Variants in VSIG10 observed in about 807,000 individuals in gnomAD.
VSIG10 encodes the protein V-set and immunoglobulin domain-containing protein 10.
In VSIG10, 48 loss-of-function variants were observed where a neutral mutation model predicts 58.7. The observed-to-expected ratio is 0.82, with a 90% confidence interval of 0.65 to 1.04. The LOEUF is 1.04. Among genes scored for constraint, VSIG10 ranks in the 50% least tolerant of loss-of-function variants. VSIG10 has a pLI of 0.00. For missense variants in VSIG10, 628 were observed against 670.0 expected, an observed-to-expected ratio of 0.94 and a Z score of 0.69; for synonymous variants, 260 against 267.1, an observed-to-expected ratio of 0.97 and a Z score of 0.26.
rs1443033597 is a variant in VSIG10 at position 118,082,286 on chromosome 12, C to A, written c.505G>T (p.Ala169Ser). 1 of 1,613,924 alleles carries A rather than the reference C, an allele frequency of 6.2e-7. No homozygotes were observed. Among genetic ancestry groups the A allele is most frequent in the Admixed American group, 1.7e-5 (1 of 59,994 alleles). ...AAGGACTCGCTGCTGGAATTCAGGG[C>A]CTGGAACCACCATTCAACCACGGGT... is the stretch of plus-strand genomic sequence containing the variant. ...PPPVVEWWFQ[A>S]LNSSSESFGH... Residue 169 changes from alanine to serine, a missense_variant, in exon 3 of 9, where the codon GCC becomes TCC. By Grantham distance (99) the Ala-to-Ser change is moderately conservative. Transcript: ENST00000359236.
At chr12:118,079,306 A>G (rs748020456) in intron 4 of VSIG10, 40 bp downstream of exon 4, 2 of 1,599,892 alleles carry the variant, frequency 1.3e-6, no homozygotes, top group African/African-American at 1.3e-5. Context: ...AAAGGAAGGC[A>G]GGGAAACTCC....
At chr12:118,081,091 A>G (rs1455402135) in intron 3 of VSIG10, among the ~76,000 whole-genome samples, 1 of 151,772 alleles carries the variant, frequency 6.6e-6, no homozygotes, top group Non-Finnish European at 1.5e-5. Context: ...AAATAGAAAA[A>G]TTAGTCGGAC....
At chr12:118,093,360 G>A (rs552270689) in intron 2 of VSIG10, among the ~76,000 whole-genome samples, 135 of 151,198 alleles carry the variant, frequency 8.9e-4, no homozygotes, top group African/African-American at 3.1e-3. Flanking sequence ...TTACAACCTC[G>A]CACTCTAAAT....
chr12:118,082,933 C>A (rs142190143), intron 2 of VSIG10, among the ~76,000 whole-genome samples: 1 of 151,070 alleles, frequency 6.6e-6, no homozygotes, highest in Admixed American at 6.6e-5. Context: ...GCCAACATGA[C>A]GAAACCCTGT....
chr12:118,097,335 C>T lies in VSIG10; in HGVS notation c.80-1521G>A, dbSNP rs117827173. Among the ~76,000 whole-genome samples the T allele has an allele frequency of 1.1e-3, 169 of 152,200 alleles. 4 individuals are homozygous for T. The East Asian group carries it at 0.029, about 26-fold the overall frequency. On this transcript the variant is annotated intron_variant, in intron 1 of 8. Coordinates refer to ENST00000359236, the MANE Select transcript of VSIG10 (RefSeq NM_019086.6). ...ATGCAAATCAAAACTGCAATGAGGC[C>T]GGGAGCCGTGGCTCATGCCTGTAAT...
chr12:118,075,135 T>A lies in VSIG10; in HGVS notation c.926-1143A>T, dbSNP rs145939414. 6.9e-3 allele frequency among the ~76,000 whole-genome samples: 944 copies of A among 137,550 alleles called. 13 individuals are homozygous for A. Among genetic ancestry groups the A allele is most frequent in the African/African-American group, 0.025 (898 of 35,408 alleles). The allele number at this position is 137,550 out of a possible 152,430, so 90.2% of individuals were successfully genotyped here. ...GTATATGTATATATATGTGTATATA[T>A]GTATATATGTGTATATGTATATATA... On this transcript the variant is annotated intron_variant, in intron 4 of 8. Coordinates refer to ENST00000359236, the MANE Select transcript of VSIG10 (RefSeq NM_019086.6).
intron 1 of VSIG10, chr12:118,101,653 T>C (rs1210584935): frequency 6.6e-6 from 1 of 152,178 alleles, no homozygotes; most frequent in Non-Finnish European, 1.5e-5. Context: ...TTCCCAAGAA[T>C]AACCTAGGAT....
chr12:118,079,422 C>G lies in VSIG10; in HGVS notation c.849G>C (p.Ser283=). The G allele has an allele frequency of 6.2e-7, 1 of 1,613,980 alleles. No individual in the cohort carries two copies. The highest frequency in any genetic ancestry group is 1.6e-4 in the Middle Eastern group (1 of 6,062). The change falls in exon 4 of 9, where the codon TCG becomes TCC. Residue 283 remains serine, a synonymous_variant. Coordinates refer to ENST00000359236, the MANE Select transcript of VSIG10 (RefSeq NM_019086.6). ...TAACACACTTGAACTTCTTGCCATC[C>G]GACAGCTGGGACTCGCTCAGCATTT... ...GVEMLSESQL[S]DGKKFKCVTS...
At position 118,095,546 on chromosome 12, in the gene VSIG10, C is replaced by T; in HGVS notation, c.348G>A (p.Trp116Ter). The change falls in exon 2 of 9, where the codon TGG becomes TGA. Residue 116 changes from tryptophan to a stop codon, truncating the protein, a stop_gained. Transcript: ENST00000359236. LOFTEE classifies it high-confidence loss of function. ...AGCCCCACTTACTGGCCACCTGCAGCCACACTTGGAACCACTGAGTCACAT... is the reference window on the plus strand; with the variant it reads ...AGCCCCACTTACTGGCCACCTGCAGTCACACTTGGAACCACTGAGTCACAT... ...ILNVTQWFQVWLQVASGPYQI... is the reference protein window; with the variant it reads ...ILNVTQWFQV The T allele has an allele frequency of 1.2e-6, 2 of 1,613,884 alleles. No homozygotes were observed. Among genetic ancestry groups the T allele is most frequent in the South Asian group, 2.2e-5 (2 of 91,084 alleles).
intron 1 of VSIG10, among the ~76,000 whole-genome samples, chr12:118,097,553 T>G (rs1351322458): frequency 6.6e-6 from 1 of 151,990 alleles, no homozygotes; most frequent in African/African-American, 2.4e-5. Flanking sequence ...AGGTAGAGGT[T>G]GCAGTGAGCC....
intron 1 of VSIG10, among the ~76,000 whole-genome samples, chr12:118,097,289 T>C (rs1038799424): frequency 6.6e-6 from 1 of 152,114 alleles, no homozygotes; most frequent in Admixed American, 6.5e-5. Flanking sequence ...TTTAAAGTGT[T>C]TGTCTATAAT....
rs902542542 is a variant in VSIG10, at chr12:118,068,578, C to T, written c.1366G>A (p.Val456Ile). ...TCTTCTGAATCCACCAAAACCATGA[C>T]ATCATCCATGTTTTGTCCCCTAATT... ...NTSRGQNMDD[V>I]MVLVDSEEEE... Residue 456 changes from valine to isoleucine, a missense_variant, in exon 8 of 9, where the codon GTC (valine) becomes ATC (isoleucine). Val to Ile is a conservative substitution (Grantham distance 29). Transcript: ENST00000359236. 8.9e-6 allele frequency: 14 copies of T among 1,569,746 alleles called. No homozygotes were observed. The highest frequency in any genetic ancestry group is 1.2e-5 in the Non-Finnish European group (14 of 1,157,222).
chr12:118,092,990 T>A (rs2033342034), intron 2 of VSIG10, among the ~76,000 whole-genome samples: 1 of 151,946 alleles, frequency 6.6e-6, no homozygotes. Context: ...TTTAAAAATA[T>A]AAAAAATATT....
intron 8 of VSIG10, among the ~76,000 whole-genome samples, chr12:118,067,994 C>T (rs2032314229): frequency 1.3e-5 from 2 of 150,120 alleles, no homozygotes; most frequent in African/African-American, 2.5e-5. Flanking sequence ...TGCTGGGAAG[C>T]TCACCGCAGC....
rs35019751 is a variant in VSIG10, at chr12:118,066,245, CAAAAAAAAAAAAA to C, written c.*381_*393del. On this transcript the variant is annotated 3_prime_UTR_variant, in exon 9 of 9. Transcript: ENST00000359236. ...TGGGCAATAGAGGGAGACTCCGTCT[CAAAAAAAAAAAAA>C]AAAAAAAAAAAAAGCGGCAAAAGGC... is the stretch of plus-strand genomic sequence containing the variant. 7.5e-5 allele frequency: 3 copies of C among 40,206 alleles called. No homozygotes were observed. The highest frequency in any genetic ancestry group is 3.0e-4 in the Admixed American group (1 of 3,284). The allele number at this position is 40,206 out of a possible 1,614,324, so 2.5% of individuals were successfully genotyped here.
rs10082981 is a variant in VSIG10 at position 118,072,740 on chromosome 12, C to T, written c.1219+959G>A. Among the ~76,000 whole-genome samples, 320 of 151,780 alleles carry T rather than the reference C, an allele frequency of 2.1e-3. 1 individual carries two copies. Among genetic ancestry groups the T allele is most frequent in the African/African-American group, 7.3e-3 (301 of 41,462 alleles). On this transcript the variant is annotated intron_variant, in intron 5 of 8. Transcript: ENST00000359236. The stretch of plus-strand genomic sequence containing the variant: ...ATAAGTAGAGACATATATAGTAAAA[C>T]TTAAAATTCAGGACCATGGTTACCT...
rs1479574206 is a variant in VSIG10, at chr12:118,095,566, T to G, written c.328A>C (p.Thr110Pro). ...IYTCQEILNV[T>P]QWFQVWLQVA... ...TGCAGCCACACTTGGAACCACTGAGTCACATTCAGGATCTCCTGGCAGGTG... is the reference window on the plus strand; with the variant it reads ...TGCAGCCACACTTGGAACCACTGAGGCACATTCAGGATCTCCTGGCAGGTG... Residue 110 changes from threonine (T) to proline (P), a missense_variant, in exon 2 of 9, where the codon ACT (threonine) becomes CCT (proline). Transcript: ENST00000359236. 5 of 1,613,878 alleles carry G rather than the reference T, an allele frequency of 3.1e-6. No individual in the cohort carries two copies. Among genetic ancestry groups the G allele is most frequent in the Non-Finnish European group, 4.2e-6 (5 of 1,179,864 alleles).
chr12:118,070,962 T>C lies in VSIG10; in HGVS notation c.1346+90A>G, dbSNP rs2032466372. On this transcript the variant is annotated intron_variant, in intron 7 of 8. Coordinates refer to ENST00000359236, the MANE Select transcript of VSIG10 (RefSeq NM_019086.6). ...ATCGTAGGTCCTCAATGGTAGTTGC[T>C]ATTATTGTTCTTGTGAAAGGAAGGG... 2.0e-6 allele frequency: 3 copies of C among 1,469,614 alleles called. No individual in the cohort carries two copies. In the Admixed American group the frequency reaches 5.8e-5, roughly 29 times the overall value. 91.0% of individuals were successfully genotyped at this position (1,469,614 alleles called of 1,614,324 possible).
At chr12:118,085,698 C>T (rs1225585116) in intron 2 of VSIG10, among the ~76,000 whole-genome samples, 1 of 149,942 alleles carries the variant, frequency 6.7e-6, no homozygotes, top group Non-Finnish European at 1.5e-5. Flanking sequence ...CCTGCCTCTA[C>T]TAAAAATACA....
Sources: allele counts gnomAD v4.1 joint callset (sites outside exome capture counted in the v4.1 genomes callset), GRCh38; gene constraint gnomAD v4.1.1; transcripts MANE v1.5; gene names NCBI Gene and HGNC (gene_info 2026-07-23, HGNC 2026-07-21).